The following MRAP2 variants were observed in gnomAD, a reference collection of about 807,000 sequenced individuals.
MRAP2 encodes melanocortin-2 receptor accessory protein 2.
MRAP2 carries 20 observed loss-of-function variants against 17.4 expected under a neutral mutation model. The ratio of observed to expected loss-of-function variants is 1.15; its 90% CI spans 0.81 to 1.67. The LOEUF is 1.67. Among genes scored for constraint, MRAP2 ranks in the 40% most tolerant of loss-of-function variants. The pLI, the probability that MRAP2 is intolerant of heterozygous loss-of-function variation, is 0.00. For synonymous variants in MRAP2, 96 were observed against 88.4 expected, an observed-to-expected ratio of 1.09 and a Z score of -0.48; for missense variants, 238 against 240.0, an observed-to-expected ratio of 0.99 and a Z score of 0.05.
chr6:84,081,887 A>T (rs888971917), intron 3 of MRAP2, among the ~76,000 whole-genome samples: 1 of 152,210 alleles, frequency 6.6e-6, no homozygotes, highest in Non-Finnish European at 1.5e-5. Context: ...TCTTGCTGCC[A>T]TGTAAGATGT....
At chr6:84,034,209 G>A (rs1414179536) in intron 1 of MRAP2, among the ~76,000 whole-genome samples, 2 of 151,976 alleles carry the variant, frequency 1.3e-5, no homozygotes, top group African/African-American at 4.8e-5. Flanking sequence ...GGCCCCAGCG[G>A]CCGAGGCACA....
At chr6:84,080,739 C>T (rs2099498762) in intron 3 of MRAP2, among the ~76,000 whole-genome samples, 1 of 152,070 alleles carries the variant, frequency 6.6e-6, no homozygotes, top group Non-Finnish European at 1.5e-5. Flanking sequence ...GTAACAGGTA[C>T]AAAGTTTACA....
chr6:84,071,409 C>T (rs1481030964), intron 3 of MRAP2, among the ~76,000 whole-genome samples: 3 of 152,114 alleles, frequency 2.0e-5, no homozygotes, highest in Non-Finnish European at 4.4e-5. Context: ...AGATAGGGCC[C>T]CAATCCCTTC....
At chr6:84,060,643 G>A (rs1588637408) in intron 2 of MRAP2, among the ~76,000 whole-genome samples, 1 of 151,712 alleles carries the variant, frequency 6.6e-6, no homozygotes, top group African/African-American at 2.4e-5. Context: ...ATTGTTTCAT[G>A]TTAGTTGTAC....
At chr6:84,034,839 GT>G (rs1438761608) in intron 1 of MRAP2, among the ~76,000 whole-genome samples, 1 of 152,084 alleles carries the variant, frequency 6.6e-6, no homozygotes, top group African/African-American at 2.4e-5. Flanking sequence ...TATTAAATAC[GT>G]TTTCCAAGGT....
In MRAP2 at chr6:84,065,842, G is replaced by A. The variant is rs763207589; in HGVS notation, c.227+2850G>A. Among the ~76,000 whole-genome samples, 3 of 152,122 alleles carry A rather than the reference G, an allele frequency of 2.0e-5. No individual in the cohort carries two copies. The East Asian group carries it at 5.8e-4, about 29-fold the overall frequency. ...GTGGGCCTCATCCAGTCAGTTGAAG[G>A]CCTTAAGAGAACAAAGACTGACCTC... On this transcript the variant is annotated intron_variant, in intron 3 of 3. Transcript: ENST00000257776.
the MRAP2 span, among the ~76,000 whole-genome samples, chr6:84,130,467 G>T: frequency 6.6e-6 from 1 of 152,128 alleles, no homozygotes; most frequent in African/African-American, 2.4e-5. Flanking sequence ...GTAGAATTCG[G>T]CTGTGCACCC....
At chr6:84,102,594 G>C in the MRAP2 span, among the ~76,000 whole-genome samples, 1 of 152,264 alleles carries the variant, frequency 6.6e-6, no homozygotes, top group African/African-American at 2.4e-5. Flanking sequence ...GAACTGTGCT[G>C]GACATTTGAC....
chr6:84,122,671 A>G, the MRAP2 span, among the ~76,000 whole-genome samples: 1 of 152,200 alleles, frequency 6.6e-6, no homozygotes, highest in Non-Finnish European at 1.5e-5. Flanking sequence ...ACTGGAAAAA[A>G]GACGAGAATG....
At chr6:84,077,777 CAT>C (rs1203687938) in intron 3 of MRAP2, among the ~76,000 whole-genome samples, 1 of 151,640 alleles carries the variant, frequency 6.6e-6, no homozygotes, top group Non-Finnish European at 1.5e-5. Context: ...ACTGGATAAA[CAT>C]ATGAAAAAAA....
intron 3 of MRAP2, among the ~76,000 whole-genome samples, chr6:84,072,907 C>G: frequency 6.6e-6 from 1 of 152,224 alleles, no homozygotes; most frequent in South Asian, 2.1e-4. Flanking sequence ...ATCGAAGGGC[C>G]GGTCTCATTC....
At chr6:84,076,186 CTGAG>C (rs958029404) in intron 3 of MRAP2, among the ~76,000 whole-genome samples, 1 of 151,720 alleles carries the variant, frequency 6.6e-6, no homozygotes, top group Admixed American at 6.6e-5. Context: ...CTTCAGCCTC[CTGAG>C]TAACTGGGAC....
chr6:84,074,996 A>C (rs1161366946), intron 3 of MRAP2, among the ~76,000 whole-genome samples: 1 of 152,204 alleles, frequency 6.6e-6, no homozygotes, highest in Non-Finnish European at 1.5e-5. Flanking sequence ...TCAGACAGTA[A>C]GAAGTTAATC....
intron 3 of MRAP2, among the ~76,000 whole-genome samples, chr6:84,065,267 AGAGT>A (rs1426598380): frequency 6.6e-6 from 1 of 150,804 alleles, no homozygotes; most frequent in African/African-American, 2.5e-5. Context: ...CCTAAATGAC[AGAGT>A]AAGACCCTGT....
downstream of MRAP2, among the ~76,000 whole-genome samples, chr6:84,091,773 T>C (rs1019417476): frequency 3.3e-5 from 5 of 152,134 alleles, no homozygotes; most frequent in African/African-American, 7.2e-5. Flanking sequence ...GCAAATCAGC[T>C]TGCCATAGTC....
chr6:84,037,259 C>T (rs890178529), intron 1 of MRAP2, among the ~76,000 whole-genome samples: 1 of 150,992 alleles, frequency 6.6e-6, no homozygotes, highest in Non-Finnish European at 1.5e-5. Flanking sequence ...AAAAGTTCTC[C>T]AAGTCCCCAC....
intron 3 of MRAP2, among the ~76,000 whole-genome samples, chr6:84,086,478 G>T (rs886407682): frequency 6.6e-6 from 1 of 152,134 alleles, no homozygotes; most frequent in Non-Finnish European, 1.5e-5. Flanking sequence ...ATAACATTAA[G>T]TGACTCCATA....
chr6:84,100,924 G>A, the MRAP2 span, among the ~76,000 whole-genome samples: 1 of 152,122 alleles, frequency 6.6e-6, no homozygotes, highest in East Asian at 1.9e-4. Flanking sequence ...ATATTGTCAA[G>A]GCATCCAGTA....
the MRAP2 span, among the ~76,000 whole-genome samples, chr6:84,115,021 G>A: frequency 2.6e-5 from 4 of 152,184 alleles, no homozygotes; most frequent in Non-Finnish European, 4.4e-5. Flanking sequence ...ACCCCTGCTG[G>A]GAGGTGTCTC....
Sources: gnomAD v4.1 joint callset for allele counts (sites outside exome capture counted in the v4.1 genomes callset) on GRCh38, gnomAD v4.1.1 for gene constraint, MANE v1.5 for transcripts, NCBI Gene and HGNC (gene_info 2026-07-23, HGNC 2026-07-21) for gene names.